PDE7B: variants seen among roughly 807,000 people sequenced by gnomAD.
PDE7B encodes the protein 3',5'-cyclic-AMP phosphodiesterase 7B.
Under a neutral mutation model 56.2 loss-of-function variants are expected in PDE7B, and 29 were observed. That is an observed-to-expected ratio of 0.52 (90% CI 0.38 to 0.70). The LOEUF (loss-of-function observed/expected upper bound fraction) is 0.70, where lower values mean the gene tolerates loss of function less well. PDE7B is among the 30% of genes least tolerant of loss of function. PDE7B has a pLI of 0.00. For synonymous variants in PDE7B, 197 were observed against 196.9 expected (o/e 1.00, Z 0.00); for missense variants, 490 against 565.0 (o/e 0.87, Z 1.35).
At chr6:136,085,523 A>AG (rs1286151097) in intron 2 of PDE7B, among the ~76,000 whole-genome samples, 2 of 152,168 alleles carry the variant, frequency 1.3e-5, no homozygotes, top group Non-Finnish European at 2.9e-5. Flanking sequence ...AATGTGCCGG[A>AG]GGGGGCTGAG....
intron 2 of PDE7B, among the ~76,000 whole-genome samples, chr6:136,093,720 A>G (rs1455548974): frequency 6.6e-6 from 1 of 152,222 alleles, no homozygotes; most frequent in East Asian, 1.9e-4. Context: ...GCACAGTAAC[A>G]GGACTTGCCA....
At chr6:135,970,957 T>G (rs955544231) in intron 2 of PDE7B, among the ~76,000 whole-genome samples, 1 of 152,058 alleles carries the variant, frequency 6.6e-6, no homozygotes, top group Non-Finnish European at 1.5e-5. Context: ...TGTCATCAGC[T>G]GAGATGGGAA....
At chr6:136,134,108 C>G (rs983513837) in intron 3 of PDE7B, among the ~76,000 whole-genome samples, 1 of 152,022 alleles carries the variant, frequency 6.6e-6, no homozygotes, top group Admixed American at 6.6e-5. Context: ...GCCTGAGGAA[C>G]GAATCCGTTG....
intron 9 of PDE7B, among the ~76,000 whole-genome samples, chr6:136,174,768 C>A (rs747104871): frequency 6.6e-6 from 1 of 152,058 alleles, no homozygotes; most frequent in African/African-American, 2.4e-5. Flanking sequence ...TTCCTAGCAC[C>A]CAGAGGAATG....
At chr6:136,061,500 C>T (rs998463834) in intron 2 of PDE7B, among the ~76,000 whole-genome samples, 1 of 152,140 alleles carries the variant, frequency 6.6e-6, no homozygotes, top group Non-Finnish European at 1.5e-5. Flanking sequence ...TTAATGATTC[C>T]TCTTCCTCTC....
intron 11 of PDE7B, among the ~76,000 whole-genome samples, chr6:136,182,987 G>C (rs1779090520): frequency 6.7e-6 from 1 of 149,364 alleles, no homozygotes; most frequent in Non-Finnish European, 1.5e-5. Context: ...CAAAAGAATT[G>C]CTTGAACCCA....
At chr6:136,034,368 G>T (rs556324004) in intron 2 of PDE7B, 1 of 152,018 alleles carries the variant, frequency 6.6e-6, no homozygotes, top group East Asian at 1.9e-4. Flanking sequence ...CTTTAGTATC[G>T]GGGTTATCAA....
At chr6:136,047,351 T>C (rs1042398512) in intron 2 of PDE7B, 2 of 152,244 alleles carry the variant, frequency 1.3e-5, no homozygotes, top group African/African-American at 4.8e-5. Flanking sequence ...CTTTTGTATC[T>C]GCCACTAATT....
chr6:136,033,675 T>G (rs1009374723), intron 2 of PDE7B, among the ~76,000 whole-genome samples: 1 of 152,252 alleles, frequency 6.6e-6, no homozygotes, highest in Non-Finnish European at 1.5e-5. Context: ...AGGGTCGGTC[T>G]GTAGACTAAG....
At chr6:136,017,830 A>C (rs1776003249) in intron 2 of PDE7B, among the ~76,000 whole-genome samples, 1 of 152,196 alleles carries the variant, frequency 6.6e-6, no homozygotes, top group South Asian at 2.1e-4. Context: ...GCAATTTTCA[A>C]TATAAATTTT....
rs372872258 is a variant in PDE7B, at chr6:135,959,479, A to G, written c.82+11955A>G. 9.8e-5 allele frequency among the ~76,000 whole-genome samples: 15 copies of G among 152,294 alleles called. 1 individual carries two copies. The highest frequency in any genetic ancestry group is 5.2e-4 in the Admixed American group (8 of 15,284). On this transcript the variant is annotated intron_variant, in intron 2 of 12. Transcript: ENST00000308191. ...AAGTATATATTGAACTCAAAAATAC[A>G]TTTTCCTTGTTTCTGAGGAAAAAAA...
chr6:136,033,279 CAG>C (rs1776271634), intron 2 of PDE7B, among the ~76,000 whole-genome samples: 1 of 152,164 alleles, frequency 6.6e-6, no homozygotes, highest in African/African-American at 2.4e-5. Flanking sequence ...GGAAAATTCA[CAG>C]AGACAGTAAA....
intron 1 of PDE7B, among the ~76,000 whole-genome samples, chr6:135,906,829 T>TTTTTTTTTTTTTGTTTTTTTTTTTTTTTG (rs1562434158): frequency 7.0e-6 from 1 of 142,602 alleles, no homozygotes; most frequent in African/African-American, 2.8e-5. Context: ...TTTTTTTTTT[T>TTTTTTTTTTTTTGTTTTTTTTTTTTTTTG]TTTTTTTAAT....
chr6:136,021,661 C>A (rs552651417), intron 2 of PDE7B, among the ~76,000 whole-genome samples: 2 of 150,222 alleles, frequency 1.3e-5, no homozygotes, highest in South Asian at 4.2e-4. Context: ...AAAAAAAAAT[C>A]CTGAAACTGT....
chr6:136,030,874 C>T (rs1236894157), intron 2 of PDE7B, among the ~76,000 whole-genome samples: 1 of 152,188 alleles, frequency 6.6e-6, no homozygotes, highest in East Asian at 1.9e-4. Context: ...TGAGAAAAGA[C>T]TGTCAAAAAT....
chr6:135,969,712 G>A (rs940518267), intron 2 of PDE7B, among the ~76,000 whole-genome samples: 1 of 152,120 alleles, frequency 6.6e-6, no homozygotes, highest in African/African-American at 2.4e-5. Flanking sequence ...ATAGGTACAG[G>A]CAAAGATTTC....
At chr6:135,928,311 ATCTT>A (rs1452648582) in intron 1 of PDE7B, among the ~76,000 whole-genome samples, 1 of 150,742 alleles carries the variant, frequency 6.6e-6, no homozygotes, top group East Asian at 2.0e-4. Flanking sequence ...AGGAAAATAA[ATCTT>A]TCTACCAAAA....
chr6:136,123,310 A>ATACCAAC (rs1777969756), intron 3 of PDE7B, among the ~76,000 whole-genome samples: 1 of 152,226 alleles, frequency 6.6e-6, no homozygotes, highest in African/African-American at 2.4e-5. Context: ...GAGCTGGAAG[A>ATACCAAC]TACCAACTCT....
At chr6:135,975,949 C>T (rs1775179215) in intron 2 of PDE7B, among the ~76,000 whole-genome samples, 1 of 152,030 alleles carries the variant, frequency 6.6e-6, no homozygotes, top group Non-Finnish European at 1.5e-5. Flanking sequence ...AATCCTCCAA[C>T]CAGAATGCAG....
Sources: allele counts gnomAD v4.1 joint callset (sites outside exome capture counted in the v4.1 genomes callset), GRCh38; gene constraint gnomAD v4.1.1; transcripts MANE v1.5; gene names NCBI Gene and HGNC (gene_info 2026-07-23, HGNC 2026-07-21).